The following BCL2L13 variants were observed in gnomAD, a reference collection of about 807,000 sequenced individuals.
BCL2L13 encodes the protein bcl-2-like protein 13.
Under a neutral mutation model 25.8 loss-of-function variants are expected in BCL2L13, and 13 were observed. The ratio of observed to expected loss-of-function variants is 0.50; its 90% CI spans 0.33 to 0.80. The LOEUF is 0.80. Ranked by LOEUF, BCL2L13 falls within the 30% of genes least tolerant of loss-of-function variation. The pLI is 0.02. For missense variants in BCL2L13, 504 were observed against 574.9 expected, an observed-to-expected ratio of 0.88 and a Z score of 1.26; for synonymous variants, 244 against 230.3, an observed-to-expected ratio of 1.06 and a Z score of -0.54.
At position 17,646,298 on chromosome 22, in the gene BCL2L13, G is replaced by C. The variant is rs543781834; in HGVS notation, c.-51+7412G>C. 2.6e-4 allele frequency among the ~76,000 whole-genome samples: 40 copies of C among 151,676 alleles called. 2 individuals are homozygous for C. The highest frequency in any genetic ancestry group is 9.0e-4 in the African/African-American group (37 of 40,956). ...TCTCGCTCTTGTTGCCCAGGCTGGAGTGCAATGGCACGATCTCAGCTCACT... is the reference window on the plus strand; with the variant it reads ...TCTCGCTCTTGTTGCCCAGGCTGGACTGCAATGGCACGATCTCAGCTCACT... On this transcript the variant is annotated intron_variant, in intron 1 of 6. Transcript: ENST00000317582.
chr22:17,629,818 T>TACACACACACACACACACACACACACAC (rs3044578), intron 1 of BCL2L13, among the ~76,000 whole-genome samples: 1 of 148,074 alleles, frequency 6.8e-6, no homozygotes, highest in African/African-American at 2.5e-5. Flanking sequence ...TTTATTTTCA[T>TACACACACACACACACACACACACACAC]ACACACACAC....
chr22:17,715,144 A>T (rs1233501045), intron 6 of BCL2L13, among the ~76,000 whole-genome samples: 14 of 5,800 alleles, frequency 2.4e-3, no homozygotes, highest in East Asian at 0.011. Context: ...ATATATATAT[A>T]TATATATATA....
chr22:17,727,797 C>T lies in BCL2L13; in HGVS notation c.*263C>T. 1.9e-6 allele frequency: 1 copy of T among 516,968 alleles called. No individual in the cohort carries two copies. The allele number at this position is 516,968 out of a possible 1,614,324, so 32.0% of individuals were successfully genotyped here. On this transcript the variant is annotated 3_prime_UTR_variant, in exon 7 of 7. Transcript: ENST00000317582. ...GCACCCCCTCCAGGACCGGGTTTCT[C>T]AGCCTTGGCACTAGTGCTGTTCTGA...
At chr22:17,651,936 T>C (rs987055170) in intron 1 of BCL2L13, among the ~76,000 whole-genome samples, 25 of 151,958 alleles carry the variant, frequency 1.6e-4, no homozygotes, top group African/African-American at 6.0e-4. Flanking sequence ...GTGATCCACC[T>C]GCCTTGGCCT....
chr22:17,684,566 T>G, intron 3 of BCL2L13: 1 of 454,150 alleles, frequency 2.2e-6, no homozygotes, highest in South Asian at 1.6e-5. Flanking sequence ...TATGTGGTGG[T>G]GGTGGTGGTG....
intron 1 of BCL2L13, among the ~76,000 whole-genome samples, chr22:17,649,023 T>A (rs2146452007): frequency 6.6e-6 from 1 of 151,854 alleles, no homozygotes; most frequent in Admixed American, 6.6e-5. Context: ...GCAGCCTCAA[T>A]CTCCTGGGGT....
At chr22:17,698,746 G>A (rs1166221548) in intron 5 of BCL2L13, among the ~76,000 whole-genome samples, 1 of 151,696 alleles carries the variant, frequency 6.6e-6, no homozygotes, top group Non-Finnish European at 1.5e-5. Flanking sequence ...AGAAAAGAAA[G>A]CCCATACCTA....
At chr22:17,637,073 G>A (rs890484202), upstream of BCL2L13, among the ~76,000 whole-genome samples, 2 of 152,028 alleles carry the variant, frequency 1.3e-5, no homozygotes, top group African/African-American at 4.8e-5. Context: ...AGGAGTAGGA[G>A]ACTAGCCTGG....
intron 1 of BCL2L13, among the ~76,000 whole-genome samples, chr22:17,646,602 A>G (rs995631049): frequency 6.6e-6 from 1 of 151,076 alleles, no homozygotes; most frequent in African/African-American, 2.5e-5. Flanking sequence ...ACTTCTGGAT[A>G]CCAAGAACAC....
intron 6 of BCL2L13, among the ~76,000 whole-genome samples, chr22:17,704,719 G>A (rs2060539065): frequency 6.6e-6 from 1 of 152,122 alleles, no homozygotes; most frequent in South Asian, 2.1e-4. Flanking sequence ...TCTTAGTTGA[G>A]CAGCTCTGGG....
chr22:17,647,748 T>C (rs1315654382), intron 1 of BCL2L13, among the ~76,000 whole-genome samples: 4 of 152,192 alleles, frequency 2.6e-5, no homozygotes, highest in African/African-American at 9.7e-5. Context: ...TTCATTCAAG[T>C]ATAGAGGATT....
intron 6 of BCL2L13, among the ~76,000 whole-genome samples, chr22:17,722,122 A>G (rs2535682): frequency 0.025 from 3,870 of 152,340 alleles, 71 homozygotes; most frequent in Non-Finnish European, 0.039. Flanking sequence ...TGCATTTAGT[A>G]AATAGGATCA....
At chr22:17,686,809 A>G (rs1304088747) in intron 3 of BCL2L13, among the ~76,000 whole-genome samples, 1 of 152,166 alleles carries the variant, frequency 6.6e-6, no homozygotes, top group Non-Finnish European at 1.5e-5. Flanking sequence ...GTGCCCGACC[A>G]TTATATTTCT....
In BCL2L13 at chr22:17,722,404, T is replaced by TGTGTGTGTGTGTGTGC. The variant is rs1555898187; in HGVS notation, c.601-4258_601-4257insCGTGTGTGTGTGTGTG. ...GTGTGTGTGTGTGTGTGTGTGTGTG[T>TGTGTGTGTGTGTGTGC]GTGTGTGTGTGTGTGTATGTAGAGA... On this transcript the variant is annotated intron_variant, in intron 6 of 6. Transcript: ENST00000317582. 5.4e-3 allele frequency among the ~76,000 whole-genome samples: 823 copies of TGTGTGTGTGTGTGTGC among 151,646 alleles called. 13 individuals are homozygous for TGTGTGTGTGTGTGTGC. Among genetic ancestry groups the TGTGTGTGTGTGTGTGC allele is most frequent in the African/African-American group, 0.019 (770 of 41,178 alleles).
At chr22:17,684,532 A>G (rs957340930) in intron 3 of BCL2L13, 1 of 452,380 alleles carries the variant, frequency 2.2e-6, no homozygotes, top group South Asian at 1.6e-5. Flanking sequence ...TATTCTGGAA[A>G]TATACATAAA....
upstream of BCL2L13, chr22:17,638,629 C>T (rs1428932200): frequency 1.7e-6 from 2 of 1,210,576 alleles, no homozygotes; most frequent in East Asian, 6.3e-5. Context: ...CTTCAGGTCA[C>T]ATCTGGACGG....
chr22:17,640,048 T>C (rs2058217907), intron 1 of BCL2L13, among the ~76,000 whole-genome samples: 1 of 152,104 alleles, frequency 6.6e-6, no homozygotes, highest in African/African-American at 2.4e-5. Context: ...GAGACGGGGT[T>C]TCATCATGTT....
intron 3 of BCL2L13, among the ~76,000 whole-genome samples, chr22:17,686,609 T>G (rs1040414791): frequency 6.6e-6 from 1 of 151,518 alleles, no homozygotes; most frequent in African/African-American, 2.4e-5. Context: ...CTCCCGAGTT[T>G]AAGTGATTCT....
chr22:17,706,630 A>G (rs2145733005), intron 6 of BCL2L13: 1 of 1,234,926 alleles, frequency 8.1e-7, no homozygotes. Flanking sequence ...AAGTCTGATC[A>G]CCATTTCCTC....
Sources: allele counts gnomAD v4.1 joint callset (sites outside exome capture counted in the v4.1 genomes callset), GRCh38; gene constraint gnomAD v4.1.1; transcripts MANE v1.5; gene names NCBI Gene and HGNC (gene_info 2026-07-23, HGNC 2026-07-21).